Variants in AKAP19 observed in about 807,000 individuals in gnomAD.
The protein encoded by AKAP19 is small A-kinase anchoring protein.
the AKAP19 span, among the ~76,000 whole-genome samples, chr2:190,016,253 TTTAA>T: frequency 6.6e-6 from 1 of 152,144 alleles, no homozygotes; most frequent in African/African-American, 2.4e-5. Context: ...AGGGAAGAGG[TTTAA>T]TTGACTCACA....
the AKAP19 span, chr2:190,199,947 G>T: frequency 1.9e-6 from 3 of 1,614,114 alleles, no homozygotes. Context: ...AACCCTTTAT[G>T]CCAGAAGAGA....
the AKAP19 span, among the ~76,000 whole-genome samples, chr2:190,117,487 A>T: frequency 1.3e-5 from 2 of 152,226 alleles, no homozygotes; most frequent in Admixed American, 6.5e-5. Context: ...TGCTACACAC[A>T]GTCTTTCATT....
the AKAP19 span, among the ~76,000 whole-genome samples, chr2:190,047,006 TGA>T: frequency 1.1e-4 from 17 of 152,196 alleles, no homozygotes; most frequent in Admixed American, 1.1e-3. Context: ...TTATTTAAAG[TGA>T]GTTTTTTAAG....
chr2:190,144,271 G>C, the AKAP19 span, among the ~76,000 whole-genome samples: 1 of 148,188 alleles, frequency 6.7e-6, no homozygotes. Flanking sequence ...GAGTTTTTGA[G>C]TTCTCAAGTC....
chr2:189,930,319 G>T, the AKAP19 span: 1 of 652,468 alleles, frequency 1.5e-6, no homozygotes, highest in Non-Finnish European at 2.3e-6. Context: ...TGGAGGAGGG[G>T]CACGTGAAGG....
the AKAP19 span, among the ~76,000 whole-genome samples, chr2:190,196,017 G>A: frequency 5.0e-5 from 7 of 138,704 alleles, no homozygotes; most frequent in Non-Finnish European, 7.7e-5. Flanking sequence ...ATGTATGTGT[G>A]GTTTGGATTT....
chr2:190,118,694 A>T, the AKAP19 span, among the ~76,000 whole-genome samples: 5 of 152,236 alleles, frequency 3.3e-5, no homozygotes, highest in African/African-American at 4.8e-5. Context: ...CTCTCAATAA[A>T]TTAGGTATTG....
chr2:189,957,173 CAAATA>C, the AKAP19 span, among the ~76,000 whole-genome samples: 6 of 151,902 alleles, frequency 3.9e-5, no homozygotes, highest in Middle Eastern at 3.2e-3. Context: ...GACTCCATCT[CAAATA>C]AAATAAAATA....
the AKAP19 span, among the ~76,000 whole-genome samples, chr2:189,909,289 G>A: frequency 1.3e-4 from 16 of 119,126 alleles, no homozygotes; most frequent in Admixed American, 8.8e-4. Flanking sequence ...TTATGGTTGG[G>A]TCTTGTTTTA....
the AKAP19 span, among the ~76,000 whole-genome samples, chr2:190,018,263 G>A: frequency 6.6e-5 from 10 of 151,664 alleles, no homozygotes; most frequent in African/African-American, 1.9e-4. Flanking sequence ...TCCTGTTTCT[G>A]GAAATCCTAT....
chr2:190,159,978 G>A, the AKAP19 span, among the ~76,000 whole-genome samples: 2 of 152,114 alleles, frequency 1.3e-5, no homozygotes, highest in African/African-American at 4.8e-5. Flanking sequence ...CCAATAAAAC[G>A]TTACCAAATA....
At chr2:190,115,405 C>T in the AKAP19 span, among the ~76,000 whole-genome samples, 3 of 125,966 alleles carry the variant, frequency 2.4e-5, no homozygotes, top group Non-Finnish European at 3.3e-5. Flanking sequence ...CTGCAAGCTC[C>T]GCCTCCCGGG....
At chr2:190,188,978 G>T in the AKAP19 span, among the ~76,000 whole-genome samples, 2 of 152,258 alleles carry the variant, frequency 1.3e-5, no homozygotes, top group Admixed American at 1.3e-4. Context: ...CTAGTTACTG[G>T]ACCAGATGAT....
At chr2:190,103,003 C>T in the AKAP19 span, among the ~76,000 whole-genome samples, 75 of 152,280 alleles carry the variant, frequency 4.9e-4, no homozygotes, top group African/African-American at 1.8e-3. Flanking sequence ...CCACAATCAA[C>T]TAGTCTTCAT....
chr2:189,886,024 G>C, the AKAP19 span, among the ~76,000 whole-genome samples: 1 of 152,046 alleles, frequency 6.6e-6, no homozygotes, highest in South Asian at 2.1e-4. Context: ...GGCCAGGCTG[G>C]TCTTGAACTC....
chr2:190,003,311 AT>A, the AKAP19 span, among the ~76,000 whole-genome samples: 1 of 152,032 alleles, frequency 6.6e-6, no homozygotes, highest in Non-Finnish European at 1.5e-5. Flanking sequence ...AATAAAGATA[AT>A]TCTTTCTTAA....
the AKAP19 span, among the ~76,000 whole-genome samples, chr2:189,908,504 C>T: frequency 6.6e-6 from 1 of 152,198 alleles, no homozygotes; most frequent in African/African-American, 2.4e-5. Flanking sequence ...GCCCTATATA[C>T]TTACTTCTTA....
At chr2:190,166,014 C>A in the AKAP19 span, among the ~76,000 whole-genome samples, 2 of 152,000 alleles carry the variant, frequency 1.3e-5, no homozygotes, top group Non-Finnish European at 2.9e-5. Flanking sequence ...GTGAGTTTAC[C>A]ACTTAGATCT....
the AKAP19 span, among the ~76,000 whole-genome samples, chr2:189,937,087 A>G: frequency 2.0e-5 from 3 of 152,184 alleles, no homozygotes; most frequent in African/African-American, 4.8e-5. Flanking sequence ...GTGAGCTATG[A>G]TCATGCGACT....
Sources: gnomAD v4.1 joint callset for allele counts (sites outside exome capture counted in the v4.1 genomes callset) on GRCh38, gnomAD v4.1.1 for gene constraint, MANE v1.5 for transcripts, NCBI Gene and HGNC (gene_info 2026-07-23, HGNC 2026-07-21) for gene names.